Variants in UNC79 observed in about 807,000 individuals in gnomAD.
The protein encoded by UNC79 is protein unc-79 homolog.
Under a neutral mutation model 283.1 loss-of-function variants are expected in UNC79, and 37 were observed. The observed-to-expected ratio is 0.13, with a 90% CI of 0.10 to 0.17. The LOEUF is 0.17. Ranked by LOEUF, UNC79 falls within the 10% of genes least tolerant of loss-of-function variation. UNC79 has a pLI of 1.00. For missense variants in UNC79, 2,272 were observed against 3,211.1 expected (o/e 0.71, Z 7.07); for synonymous variants, 1,107 against 1,200.2 (o/e 0.92, Z 1.61).
chr14:93,673,315 A>G, intron 40 of UNC79, 36 bp from the exon 44 acceptor site: 1 of 1,587,004 alleles, frequency 6.3e-7, no homozygotes, highest in South Asian at 1.1e-5. Context: ...TTGAATTTCT[A>G]AAATCACTTA....
At chr14:93,603,138 T>C in intron 25 of UNC79, 101 bp from the exon 26 acceptor site, 2 of 1,353,776 alleles carry the variant, frequency 1.5e-6, no homozygotes, top group Non-Finnish European at 2.0e-6. Context: ...AAAAATGTAT[T>C]TTAATATTGA....
intron 1 of UNC79, among the ~76,000 whole-genome samples, chr14:93,343,577 C>T (rs2053760031): frequency 6.6e-6 from 1 of 151,920 alleles, no homozygotes; most frequent in Non-Finnish European, 1.5e-5. Flanking sequence ...GACTTTTGTT[C>T]TGAAGCCTTT....
intron 23 of UNC79, among the ~76,000 whole-genome samples, chr14:93,596,559 C>T (rs1470323950): frequency 2.0e-5 from 3 of 152,110 alleles, no homozygotes; most frequent in South Asian, 2.1e-4. Context: ...CACTTGAACC[C>T]GGGAGATGGA....
At chr14:93,636,223 A>G (rs765994800) in intron 31 of UNC79, among the ~76,000 whole-genome samples, 1 of 152,216 alleles carries the variant, frequency 6.6e-6, no homozygotes, top group Non-Finnish European at 1.5e-5. Context: ...ACCAAATTTC[A>G]ATCTTGTTCA....
chr14:93,616,312 A>G (rs2066720718), intron 27 of UNC79, among the ~76,000 whole-genome samples: 1 of 148,754 alleles, frequency 6.7e-6, no homozygotes, highest in Admixed American at 6.7e-5. Flanking sequence ...TGTCTTTGGG[A>G]TATATTTAAT....
At position 93,695,419 on chromosome 14, in the gene UNC79, A is replaced by G. The variant is rs72692959; in HGVS notation, c.7548+1007A>G. On this transcript the variant is annotated intron_variant, in intron 47 of 48. Coordinates refer to ENST00000555664, the Ensembl canonical transcript of UNC79. ...GAACAGAACAAGATCATTGGTTCAA[A>G]TGGGTTAGATATATGATATGTAGCT... Among the ~76,000 whole-genome samples the G allele has an allele frequency of 9.3e-3, 1,415 of 152,366 alleles. 13 individuals carry two copies. Among genetic ancestry groups the G allele is most frequent in the Non-Finnish European group, 0.016 (1,069 of 68,030 alleles).
chr14:93,411,770 T>C (rs542670105), intron 1 of UNC79, among the ~76,000 whole-genome samples: 1 of 152,304 alleles, frequency 6.6e-6, no homozygotes, highest in South Asian at 2.1e-4. Context: ...ACAGCTTAGA[T>C]CACAACACTC....
chr14:93,373,658 G>A (rs1402380330), intron 1 of UNC79, among the ~76,000 whole-genome samples: 1 of 152,168 alleles, frequency 6.6e-6, no homozygotes, highest in African/African-American at 2.4e-5. Flanking sequence ...GTCTTCACAG[G>A]TGAATTCTAC....
intron 1 of UNC79, among the ~76,000 whole-genome samples, chr14:93,337,485 G>T (rs568294510): frequency 7.8e-4 from 119 of 152,284 alleles, no homozygotes; most frequent in African/African-American, 2.7e-3. Context: ...GAAGAGTGGC[G>T]AACCTTCTGG....
rs1333993796 is a variant in UNC79 at position 93,621,763 on chromosome 14, T to G, written c.4530T>G (p.Leu1510=). ...TTGATATAGGGAATGCAGACTCGCT[T>G]TTGTTTACATTAGACGAACATCGTA... Residue 1510 remains leucine, a synonymous_variant, in exon 30 of 49, where the codon CTT becomes CTG. Transcript: ENST00000555664. This position sits in a 1 kb window ranked among gnomAD's most constrained non-coding sequence, Gnocchi z 4.8. 6.2e-7 allele frequency: 1 copy of G among 1,614,184 alleles called. No individual in the cohort carries two copies.
At chr14:93,341,592 ACT>A (rs973224660) in intron 1 of UNC79, among the ~76,000 whole-genome samples, 7 of 137,590 alleles carry the variant, frequency 5.1e-5, no homozygotes, top group African/African-American at 2.0e-4. Context: ...AAATTGTGAG[ACT>A]CTGTCTCTAC....
intron 1 of UNC79, among the ~76,000 whole-genome samples, chr14:93,417,041 T>A (rs2055476944): frequency 1.3e-5 from 2 of 152,122 alleles, no homozygotes; most frequent in South Asian, 4.1e-4. Context: ...AATATTGTTA[T>A]GTGTGAATTT....
chr14:93,559,139 T>C (rs1198700763), intron 14 of UNC79, among the ~76,000 whole-genome samples: 1 of 152,166 alleles, frequency 6.6e-6, no homozygotes, highest in Non-Finnish European at 1.5e-5. Flanking sequence ...AACAGCTATG[T>C]GTGCTGTGCT....
chr14:93,395,678 TTTTG>T (rs2054980810), intron 1 of UNC79, among the ~76,000 whole-genome samples: 1 of 152,192 alleles, frequency 6.6e-6, no homozygotes, highest in African/African-American at 2.4e-5. Context: ...TTAGTGTTTT[TTTTG>T]TTTGTTTTTT....
chr14:93,640,783 T>G (rs1293023671), intron 32 of UNC79, among the ~76,000 whole-genome samples: 1 of 152,200 alleles, frequency 6.6e-6, no homozygotes, highest in Non-Finnish European at 1.5e-5. Flanking sequence ...ATGGGAAGTT[T>G]CCATTTATGC....
At chr14:93,497,311 G>T (rs778350720) in intron 7 of UNC79, 25 bp downstream of exon 7, 4 of 1,603,954 alleles carry the variant, frequency 2.5e-6, no homozygotes, top group Admixed American at 1.7e-5. Flanking sequence ...GCCCTGTGAT[G>T]CCCCATCTGT....
At chr14:93,673,118 T>A (rs1253333914) in intron 40 of UNC79, among the ~76,000 whole-genome samples, 1 of 152,220 alleles carries the variant, frequency 6.6e-6, no homozygotes, top group Non-Finnish European at 1.5e-5. Context: ...AGAGATAGCT[T>A]ATCTTTTTCT....
chr14:93,337,818 T>A (rs1264543302), intron 1 of UNC79, among the ~76,000 whole-genome samples: 2 of 152,174 alleles, frequency 1.3e-5, no homozygotes, highest in Non-Finnish European at 2.9e-5. Flanking sequence ...TTTGGGGCTC[T>A]GTGGTTCCTG....
At chr14:93,580,788 C>A (rs1032192852) in intron 19 of UNC79, among the ~76,000 whole-genome samples, 2 of 152,188 alleles carry the variant, frequency 1.3e-5, no homozygotes, top group African/African-American at 4.8e-5. Flanking sequence ...TCACTGAAAC[C>A]TCTGCCTCCC....
Sources: allele counts gnomAD v4.1 joint callset (sites outside exome capture counted in the v4.1 genomes callset), GRCh38; gene constraint gnomAD v4.1.1; non-coding constraint Gnocchi (gnomAD v3.1); transcripts MANE v1.5; gene names NCBI Gene and HGNC (gene_info 2026-07-23, HGNC 2026-07-21).